Variants in C4orf50 observed in about 807,000 individuals in gnomAD.
The protein encoded by C4orf50 is uncharacterized protein C4orf50.
In C4orf50, 80 loss-of-function variants were observed where a neutral mutation model predicts 77.2. That is an observed-to-expected ratio of 1.04 (90% CI 0.87 to 1.25). The LOEUF (loss-of-function observed/expected upper bound fraction) is 1.25, where lower values mean the gene tolerates loss of function less well. Ranked by LOEUF, C4orf50 falls within the 50% of genes most tolerant of loss-of-function variation. C4orf50 has a pLI of 0.00. For missense variants in C4orf50, 1,257 were observed against 1,152.9 expected, an observed-to-expected ratio of 1.09 and a Z score of -1.31; for synonymous variants, 532 against 465.3, an observed-to-expected ratio of 1.14 and a Z score of -1.84.
intron 25 of C4orf50, among the ~76,000 whole-genome samples, chr4:6,003,061 C>T (rs1428795782): frequency 6.6e-6 from 1 of 152,214 alleles, no homozygotes. Context: ...TGCCCTGCAG[C>T]AGACCTAGGT....
rs1486514712 is a variant in C4orf50 at position 6,011,561 on chromosome 4, A to T, written c.426+269T>A. 6.6e-6 allele frequency among the ~76,000 whole-genome samples: 1 copy of T among 152,044 alleles called. No individual in the cohort carries two copies. The highest frequency in any genetic ancestry group is 1.5e-5 in the Non-Finnish European group (1 of 67,994). ...CTCCGGACCCCAGGAGCCCTGCATC[A>T]GCCAACTCCTGTCCTCAGTCTGTGG... On this transcript the variant is annotated intron_variant, in intron 24 of 33. Coordinates refer to ENST00000531445, the Ensembl canonical transcript of C4orf50. The surrounding 1 kb of genome is among the most constrained non-coding windows in gnomAD (Gnocchi z 4.2).
intron 25 of C4orf50, among the ~76,000 whole-genome samples, chr4:6,004,366 A>G (rs1297971801): frequency 8.6e-5 from 10 of 115,814 alleles, no homozygotes; most frequent in African/African-American, 2.6e-4. Flanking sequence ...GATGGTGATG[A>G]TGGTGATGGT....
rs1457163181 is a variant in C4orf50 at position 6,000,436 on chromosome 4, T to G, written c.964-5960A>C. On this transcript the variant is annotated intron_variant, in intron 25 of 33. Transcript: ENST00000531445. This position sits in a 1 kb window ranked among gnomAD's most constrained non-coding sequence, Gnocchi z 6.0. ...TTCCCAGTGGCCCTCTCAGGAGGAA[T>G]TCTTCCTTTCCAGGCAGCCCTTTTT... is the stretch of plus-strand genomic sequence containing the variant. Among the ~76,000 whole-genome samples, 1 of 152,166 alleles carries G rather than the reference T, an allele frequency of 6.6e-6. No homozygotes were observed. Among genetic ancestry groups the G allele is most frequent in the African/African-American group, 2.4e-5 (1 of 41,438 alleles).
At chr4:5,990,997 T>C (rs1721253740) in intron 27 of C4orf50, among the ~76,000 whole-genome samples, 173 bp from the exon 6 acceptor site, 1 of 152,198 alleles carries the variant, frequency 6.6e-6, no homozygotes, top group South Asian at 2.1e-4. Flanking sequence ...CACGTGCTCT[T>C]CGCTCTGCCC....
intron 7 of C4orf50, among the ~76,000 whole-genome samples, chr4:5,944,078 C>G (rs1239887063): frequency 6.6e-6 from 1 of 152,200 alleles, no homozygotes; most frequent in Non-Finnish European, 1.5e-5. Context: ...CTCTGACATA[C>G]AGAGACAAAT....
chr4:5,939,889 A>G (rs1257324940), intron 7 of C4orf50, among the ~76,000 whole-genome samples: 3 of 152,214 alleles, frequency 2.0e-5, no homozygotes, highest in African/African-American at 4.8e-5. Context: ...CCAACCATGC[A>G]GTGGTTCTGG....
intron 7 of C4orf50, among the ~76,000 whole-genome samples, chr4:5,948,830 G>A (rs1468072295): frequency 1.3e-5 from 2 of 151,442 alleles, no homozygotes; most frequent in Non-Finnish European, 2.9e-5. Flanking sequence ...GCGTGGTGGT[G>A]GACACCTGTA....
chr4:5,983,092 C>G (rs1031060618), intron 28 of C4orf50, among the ~76,000 whole-genome samples: 5 of 152,168 alleles, frequency 3.3e-5, no homozygotes, highest in Non-Finnish European at 7.4e-5. Flanking sequence ...GTCCCGTGGA[C>G]TCCAGCTCCA....
chr4:5,964,921 C>G, intron 33 of C4orf50, 103 bp downstream of exon 11: 3 of 1,088,496 alleles, frequency 2.8e-6, no homozygotes, highest in Non-Finnish European at 4.0e-6. Flanking sequence ...CTGGTGGTGG[C>G]TTTCTGGGTG....
chr4:6,013,525 C>T (rs1722564119), intron 23 of C4orf50, among the ~76,000 whole-genome samples: 1 of 152,146 alleles, frequency 6.6e-6, no homozygotes, highest in Non-Finnish European at 1.5e-5. Context: ...GGCCCTAATC[C>T]CTGGAACCTA....
At chr4:5,996,098 G>A (rs923165918) in intron 25 of C4orf50, among the ~76,000 whole-genome samples, 1 of 152,226 alleles carries the variant, frequency 6.6e-6, no homozygotes, top group Non-Finnish European at 1.5e-5. Context: ...TGTCATTGCT[G>A]CCTGGGCACC....
rs560837511 is a variant in C4orf50, at chr4:5,992,214, T to C, written c.1221+589A>G. Among the ~76,000 whole-genome samples, 5 of 152,270 alleles carry C rather than the reference T, an allele frequency of 3.3e-5. No individual in the cohort carries two copies. In the South Asian group the frequency reaches 6.2e-4, roughly 19 times the overall value. ...AGATACATCGTGAGCAGGATGTGAA[T>C]GAATGAAGAGATGATGGAGGGCCTC... On this transcript the variant is annotated intron_variant, in intron 27 of 33. Transcript: ENST00000531445. This position sits in a 1 kb window ranked among gnomAD's most constrained non-coding sequence, Gnocchi z 5.0.
intron 7 of C4orf50, among the ~76,000 whole-genome samples, chr4:5,922,159 G>T (rs1396504526): frequency 6.6e-6 from 1 of 152,164 alleles, no homozygotes; most frequent in Admixed American, 6.5e-5. Context: ...GGCTGTCAGA[G>T]CCCAGAGCAC....
intron 25 of C4orf50, among the ~76,000 whole-genome samples, chr4:5,995,471 G>A (rs1292953327): frequency 5.9e-5 from 5 of 84,046 alleles, no homozygotes; most frequent in Non-Finnish European, 9.3e-5. Flanking sequence ...GCTTGGGACT[G>A]GAAACACACA....
chr4:5,989,723 C>A, exon 28 of C4orf50: 2 of 1,535,630 alleles, frequency 1.3e-6, no homozygotes, highest in Non-Finnish European at 1.7e-6. Flanking sequence ...ACTGATAAGG[C>A]AAATCTGGGA....
In C4orf50 at chr4:5,932,416, A is replaced by G. The variant is rs1209722881; in HGVS notation, c.*2474+24485T>C. Among the ~76,000 whole-genome samples the G allele has an allele frequency of 6.6e-6, 1 of 152,016 alleles. No homozygotes were observed. The highest frequency in any genetic ancestry group is 1.5e-5 in the Non-Finnish European group (1 of 68,002). On this transcript the variant is annotated intron_variant, in intron 7 of 7. Coordinates refer to the C4orf50 transcript ENST00000324058. The surrounding 1 kb of genome is among the most constrained non-coding windows in gnomAD (Gnocchi z 4.2). Reference sequence around the variant, plus strand: ...ACCTGAGGTGACCAGGTGATCATCTACCTGGAGAAGGAAGGCATCAGACTG... The same window carrying G: ...ACCTGAGGTGACCAGGTGATCATCTGCCTGGAGAAGGAAGGCATCAGACTG...
chr4:5,906,650 A>G (rs1205313146), intron 7 of C4orf50, among the ~76,000 whole-genome samples: 1 of 152,184 alleles, frequency 6.6e-6, no homozygotes, highest in Admixed American at 6.5e-5. Flanking sequence ...CTTTGCTGCA[A>G]TGCTAAGGGT....
intron 7 of C4orf50, among the ~76,000 whole-genome samples, chr4:5,928,347 T>TACAC (rs943846373): frequency 3.0e-5 from 4 of 134,026 alleles, no homozygotes; most frequent in African/African-American, 1.0e-4. Context: ...TCCCCTCTCA[T>TACAC]ACACACACAC....
Position 6,008,601 on chromosome 4 carries a change from TCTTGA to T in C4orf50, c.427-74_427-70del, listed in dbSNP as rs1264071252. The T allele has an allele frequency of 6.8e-5, 27 of 395,804 alleles. No individual in the cohort carries two copies. Among genetic ancestry groups the T allele is most frequent in the Non-Finnish European group, 1.3e-5 (3 of 224,310 alleles). 24.5% of individuals were successfully genotyped at this position (395,804 alleles called of 1,614,324 possible). On this transcript the variant is annotated intron_variant, in intron 24 of 33. Transcript: ENST00000531445. This position sits in a 1 kb window ranked among gnomAD's most constrained non-coding sequence, Gnocchi z 6.0. Reference sequence around the variant, plus strand: ...CACACCATGGTTCACATTGGTCCTGTCTTGACTTAACATTTCTGTATTTTGTGCAT... The same window carrying T: ...CACACCATGGTTCACATTGGTCCTGTCTTAACATTTCTGTATTTTGTGCAT...
Sources: allele counts gnomAD v4.1 joint callset (sites outside exome capture counted in the v4.1 genomes callset), GRCh38; gene constraint gnomAD v4.1.1; non-coding constraint Gnocchi (gnomAD v3.1); transcripts MANE v1.5; gene names NCBI Gene and HGNC (gene_info 2026-07-23, HGNC 2026-07-21).